UNC13C: variants seen among roughly 807,000 people sequenced by gnomAD.
The protein encoded by UNC13C is unc-13 homolog C.
UNC13C carries 174 observed loss-of-function variants against 245.4 expected under a neutral mutation model. The ratio of observed to expected loss-of-function variants is 0.71; its 90% confidence interval spans 0.63 to 0.80. The LOEUF (loss-of-function observed/expected upper bound fraction) is 0.80. UNC13C is among the 30% of genes least tolerant of loss of function. The probability of loss-of-function intolerance (pLI) is 0.00; values close to 1 mark genes in which losing one functional copy is unlikely to be tolerated. For missense variants in UNC13C, 2,829 were observed against 2,602.9 expected (o/e 1.09, Z -1.89); for synonymous variants, 992 against 895.1 (o/e 1.11, Z -1.93).
At chr15:54,096,607 A>G (rs1396321080) in intron 2 of UNC13C, among the ~76,000 whole-genome samples, 4 of 152,188 alleles carry the variant, frequency 2.6e-5, no homozygotes. Flanking sequence ...TAATCAGATT[A>G]TAACAATTCC....
At position 54,229,204 on chromosome 15, in the gene UNC13C, C is replaced by T. The variant is rs186549740; in HGVS notation, c.3072-5826C>T. Among the ~76,000 whole-genome samples, 432 of 152,332 alleles carry T rather than the reference C, an allele frequency of 2.8e-3. 1 individual carries two copies. Among genetic ancestry groups the T allele is most frequent in the Non-Finnish European group, 1.9e-3 (130 of 68,028 alleles). The stretch of plus-strand genomic sequence containing the variant: ...CCCTCAAGCACTCAGATTCTCTTTC[C>T]ATGCCATGTGGTCACTGCCAAGGGA... On this transcript the variant is annotated intron_variant, in intron 4 of 32. Transcript: ENST00000260323.
intron 2 of UNC13C, among the ~76,000 whole-genome samples, chr15:54,044,038 AC>A (rs1896923470): frequency 6.6e-6 from 1 of 152,126 alleles, no homozygotes; most frequent in South Asian, 2.1e-4. Context: ...AACTTTTGTC[AC>A]CCCAAAAAGA....
At chr15:54,409,625 C>T (rs979868095) in intron 18 of UNC13C, among the ~76,000 whole-genome samples, 1 of 152,132 alleles carries the variant, frequency 6.6e-6, no homozygotes, top group Non-Finnish European at 1.5e-5. Flanking sequence ...GTGAGAACAT[C>T]TGATATTTAA....
chr15:54,454,439 GTGT>G (rs1891358768), intron 19 of UNC13C, among the ~76,000 whole-genome samples: 1 of 151,926 alleles, frequency 6.6e-6, no homozygotes, highest in South Asian at 2.1e-4. Flanking sequence ...TTAGCCGGGC[GTGT>G]TGGCGGGCAC....
chr15:54,426,376 C>T lies in UNC13C; in HGVS notation c.4933+11309C>T, dbSNP rs113720403. On this transcript the variant is annotated intron_variant, in intron 19 of 32. Transcript: ENST00000260323. ...TCTCAAAAGTTATCACATGGATGGC[C>T]TCACTTCTTCCTTGGCATTTGGCCT... 3.3e-3 allele frequency among the ~76,000 whole-genome samples: 498 copies of T among 149,470 alleles called. 1 individual carries two copies. Among genetic ancestry groups the T allele is most frequent in the African/African-American group, 0.012 (478 of 40,658 alleles).
the UNC13C span, among the ~76,000 whole-genome samples, chr15:53,873,111 G>C: frequency 2.7e-5 from 4 of 148,114 alleles, no homozygotes; most frequent in Admixed American, 2.7e-4. Context: ...TTGGTGTGTT[G>C]AGGAGGAGAA....
At chr15:53,938,680 T>C in the UNC13C span, among the ~76,000 whole-genome samples, 6 of 152,148 alleles carry the variant, frequency 3.9e-5, no homozygotes, top group African/African-American at 9.6e-5. Context: ...ACAATCAAAA[T>C]AGAACTCCAG....
intron 32 of UNC13C, 45 bp downstream of exon 32, chr15:54,623,999 C>G: frequency 6.2e-7 from 1 of 1,606,900 alleles, no homozygotes; most frequent in South Asian, 1.1e-5. Flanking sequence ...GCAATAGTTA[C>G]TGTACAGCTG....
Position 54,456,170 on chromosome 15 carries a change from C to A in UNC13C, c.4934-38438C>A, listed in dbSNP as rs149550650. On this transcript the variant is annotated intron_variant, in intron 19 of 32. Coordinates refer to ENST00000260323, the MANE Select transcript of UNC13C (RefSeq NM_001080534.3). The stretch of plus-strand genomic sequence containing the variant: ...GCATCAGTTGGCTGTGAGGATTTGG[C>A]CTCACTTCTGGGTTCTCTATTCTGT... 3.5e-3 allele frequency among the ~76,000 whole-genome samples: 532 copies of A among 152,218 alleles called. 5 individuals are homozygous for A. Among genetic ancestry groups the A allele is most frequent in the African/African-American group, 0.012 (501 of 41,546 alleles).
At chr15:53,960,088 C>T in the UNC13C span, among the ~76,000 whole-genome samples, 2 of 152,142 alleles carry the variant, frequency 1.3e-5, no homozygotes, top group Non-Finnish European at 2.9e-5. Flanking sequence ...AGGAGATATG[C>T]TACCTCCAAG....
At chr15:54,434,097 G>A (rs1385585957) in intron 19 of UNC13C, among the ~76,000 whole-genome samples, 1 of 151,904 alleles carries the variant, frequency 6.6e-6, no homozygotes, top group Non-Finnish European at 1.5e-5. Flanking sequence ...ACAAACAAAT[G>A]GAAATAAATT....
intron 4 of UNC13C, among the ~76,000 whole-genome samples, chr15:54,202,945 T>C (rs2034569839): frequency 1.3e-5 from 2 of 151,956 alleles, no homozygotes; most frequent in South Asian, 4.1e-4. Flanking sequence ...ATCCAGAGTT[T>C]ACAGGAACTC....
chr15:53,957,597 T>TA, the UNC13C span, among the ~76,000 whole-genome samples: 9,717 of 152,298 alleles, frequency 0.064, 654 homozygotes, highest in African/African-American at 0.17. Flanking sequence ...AGTAGTACAG[T>TA]AAAAAATCCT....
At chr15:54,038,626 C>T (rs986024327) in intron 2 of UNC13C, among the ~76,000 whole-genome samples, 2 of 152,066 alleles carry the variant, frequency 1.3e-5, no homozygotes, top group African/African-American at 4.8e-5. Context: ...CAGAATCTTT[C>T]CAAGTGATTA....
At chr15:54,630,140 A>G (rs1401342706), downstream of UNC13C, 1 of 152,230 alleles carries the variant, frequency 6.6e-6, no homozygotes, top group Non-Finnish European at 1.5e-5. Context: ...TTGCTTGTCT[A>G]TGGATAAACC....
At position 54,023,783 on chromosome 15, in the gene UNC13C, G is replaced by A. The variant is rs575789914; in HGVS notation, c.2983+7897G>A. ...TTTTTTGAGGAAAATATTAACTGAC[G>A]ATGAAAGATGGCAGTTTCCAGGTTG... On this transcript the variant is annotated intron_variant, in intron 2 of 32. Coordinates refer to ENST00000260323, the MANE Select transcript of UNC13C (RefSeq NM_001080534.3). Among the ~76,000 whole-genome samples the A allele has an allele frequency of 6.2e-4, 95 of 152,248 alleles. No individual in the cohort carries two copies. The South Asian group carries it at 0.015, about 23-fold the overall frequency.
chr15:53,967,331 G>T, the UNC13C span, among the ~76,000 whole-genome samples: 7,731 of 88,898 alleles, frequency 0.087, 338 homozygotes, highest in African/African-American at 0.21. Context: ...TTTTTTTTTT[G>T]TTGTTTTGTT....
intron 30 of UNC13C, among the ~76,000 whole-genome samples, chr15:54,579,992 C>T (rs1388569037): frequency 6.6e-6 from 1 of 152,058 alleles, no homozygotes; most frequent in Admixed American, 6.6e-5. Context: ...TGTTTTAGGT[C>T]TGGTTAGAAA....
At chr15:54,382,018 T>C (rs961580476) in intron 17 of UNC13C, among the ~76,000 whole-genome samples, 2 of 152,152 alleles carry the variant, frequency 1.3e-5, no homozygotes, top group Non-Finnish European at 2.9e-5. Flanking sequence ...TTTCAAAATA[T>C]TTTAAAAATC....
Sources: gnomAD v4.1 joint callset for allele counts (sites outside exome capture counted in the v4.1 genomes callset) on GRCh38, gnomAD v4.1.1 for gene constraint, MANE v1.5 for transcripts, NCBI Gene and HGNC (gene_info 2026-07-23, HGNC 2026-07-21) for gene names.